HAVCR1: variants seen among roughly 807,000 people sequenced by gnomAD.
HAVCR1 encodes hepatitis A virus cellular receptor 1.
In HAVCR1, 34 loss-of-function variants were observed where a neutral mutation model predicts 32.0. The observed-to-expected ratio is 1.06, with a 90% confidence interval of 0.81 to 1.42. The LOEUF is 1.42. Ranked by LOEUF, HAVCR1 falls within the 40% of genes most tolerant of loss-of-function variation. The probability of loss-of-function intolerance (pLI) is 0.00; values close to 1 mark genes in which losing one functional copy is unlikely to be tolerated. For missense variants in HAVCR1, 420 were observed against 442.3 expected, an observed-to-expected ratio of 0.95 and a Z score of 0.45; for synonymous variants, 178 against 170.3, an observed-to-expected ratio of 1.05 and a Z score of -0.35.
At chr5:157,065,928 C>T in the HAVCR1 span, among the ~76,000 whole-genome samples, 4 of 142,680 alleles carry the variant, frequency 2.8e-5, no homozygotes, top group South Asian at 2.3e-4. Context: ...TGGTGGCGGG[C>T]GCCTATAGTC....
At chr5:157,044,432 AAAG>A (rs1176146515) in intron 5 of HAVCR1, among the ~76,000 whole-genome samples, 457 of 26,006 alleles carry the variant, frequency 0.018, 3 homozygotes, top group Non-Finnish European at 0.024. Flanking sequence ...AGAAAGAAAG[AAAG>A]AAAGAAAGAA....
chr5:157,044,262 G>A (rs1581698063), intron 5 of HAVCR1, among the ~76,000 whole-genome samples: 1 of 151,412 alleles, frequency 6.6e-6, no homozygotes, highest in South Asian at 2.1e-4. Flanking sequence ...AACTCAGGGG[G>A]TGGAGATTAC....
intron 4 of HAVCR1, among the ~76,000 whole-genome samples, chr5:157,049,791 CCTT>C (rs1362970921): frequency 6.6e-6 from 1 of 152,178 alleles, no homozygotes; most frequent in African/African-American, 2.4e-5. Flanking sequence ...GACCCCAGCT[CCTT>C]CTGCATCTGC....
intron 2 of HAVCR1, among the ~76,000 whole-genome samples, chr5:157,056,671 C>T (rs549743713): frequency 9.2e-5 from 14 of 152,074 alleles, no homozygotes; most frequent in East Asian, 7.7e-4. Flanking sequence ...TGAGCCACCA[C>T]GCCCGGCCAC....
upstream of HAVCR1, among the ~76,000 whole-genome samples, chr5:157,059,605 G>A (rs1330136911): frequency 4.6e-5 from 7 of 152,264 alleles, no homozygotes; most frequent in East Asian, 7.7e-4. Flanking sequence ...AACCTGGAAG[G>A]TGGAGGTTGC....
rs200398021 is a variant in HAVCR1 at position 157,037,333 on chromosome 5, G to T, written c.866C>A (p.Thr289Lys). ...TQLFLEHSLLTANTTKGIYAG... is the reference protein window; with the variant it reads ...TQLFLEHSLLKANTTKGIYAG... ...ATAGATTCCTTTAGTGGTATTGGCCGTCAGTAGACTATGTTCTAGGAACAG... is the reference window on the plus strand; with the variant it reads ...ATAGATTCCTTTAGTGGTATTGGCCTTCAGTAGACTATGTTCTAGGAACAG... Residue 289 changes from threonine to lysine, a missense_variant, in exon 7 of 9, where the codon ACG (threonine) becomes AAG (lysine). By Grantham distance (78) the Thr-to-Lys change is moderately conservative (BLOSUM62 -1). Coordinates refer to ENST00000523175, the MANE Select transcript of HAVCR1 (RefSeq NM_001173393.3). 1.3e-6 allele frequency: 2 copies of T among 1,568,390 alleles called. No homozygotes were observed. Among genetic ancestry groups the T allele is most frequent in the Non-Finnish European group, 1.8e-6 (2 of 1,138,438 alleles).
At chr5:157,030,143 ACAGAGCTCTG>A (rs1754088202) in intron 8 of HAVCR1, among the ~76,000 whole-genome samples, 1 of 152,190 alleles carries the variant, frequency 6.6e-6, no homozygotes, top group Admixed American at 6.5e-5. Context: ...ATCTAAAAAT[ACAGAGCTCTG>A]ACATCAAACT....
upstream of HAVCR1, among the ~76,000 whole-genome samples, chr5:157,063,504 C>T (rs990852233): frequency 4.6e-5 from 7 of 152,046 alleles, no homozygotes; most frequent in African/African-American, 9.6e-5. Flanking sequence ...AGGCTGGTCA[C>T]GAACTCCTGA....
chr5:157,044,484 GA>G (rs138351319), intron 5 of HAVCR1, among the ~76,000 whole-genome samples: 7 of 39,784 alleles, frequency 1.8e-4, no homozygotes, highest in Admixed American at 3.8e-4. Context: ...AGGAAGGAAG[GA>G]AGGAAGGAAG....
intron 5 of HAVCR1, among the ~76,000 whole-genome samples, chr5:157,044,492 G>A (rs200723533): frequency 0.14 from 8,911 of 64,274 alleles, 1,049 homozygotes; most frequent in Admixed American, 0.18. Context: ...AGGAAGGAAG[G>A]AAGGAAGGAA....
intron 5 of HAVCR1, 71 bp downstream of exon 5, chr5:157,048,967 T>C (rs1755579567): frequency 3.5e-6 from 3 of 866,772 alleles, no homozygotes; most frequent in Non-Finnish European, 6.0e-6. Context: ...CCAGAGCGTG[T>C]GCTCTCAACA....
chr5:157,053,274 C>T (rs1755882634), intron 3 of HAVCR1, among the ~76,000 whole-genome samples: 1 of 150,112 alleles, frequency 6.7e-6, no homozygotes, highest in Admixed American at 6.7e-5. Context: ...ATCTCAGCTA[C>T]TTGAAAGGCT....
At chr5:157,057,427 G>T (rs1367482788) in intron 2 of HAVCR1, among the ~76,000 whole-genome samples, 28 of 146,198 alleles carry the variant, frequency 1.9e-4, no homozygotes, top group African/African-American at 7.2e-4. Flanking sequence ...AAGAAAGAAA[G>T]AAAGAAAGAA....
intron 1 of HAVCR1, chr5:157,058,548 G>C (rs980912810): frequency 6.6e-6 from 1 of 152,410 alleles, no homozygotes; most frequent in African/African-American, 2.4e-5. Context: ...CTGGGCGACA[G>C]AGCAAGACTC....
At chr5:157,041,026 T>C (rs1197516255) in intron 6 of HAVCR1, among the ~76,000 whole-genome samples, 1 of 152,220 alleles carries the variant, frequency 6.6e-6, no homozygotes, top group African/African-American at 2.4e-5. Context: ...AGATTGTTTC[T>C]TACAGGAGCC....
intron 5 of HAVCR1, among the ~76,000 whole-genome samples, chr5:157,045,824 G>A (rs1399645005): frequency 1.3e-5 from 2 of 152,114 alleles, no homozygotes; most frequent in African/African-American, 4.8e-5. Flanking sequence ...GGCCAAAATG[G>A]CAGCAGCCAC....
intron 5 of HAVCR1, among the ~76,000 whole-genome samples, chr5:157,046,388 G>A (rs1246767905): frequency 6.6e-6 from 1 of 152,178 alleles, no homozygotes; most frequent in Admixed American, 6.5e-5. Flanking sequence ...AAGATGACAG[G>A]TTTCAGCATC....
In HAVCR1 at chr5:157,055,241, G is replaced by T; in HGVS notation, c.339C>A (p.Phe113Leu). The change falls in exon 3 of 9, where the codon TTC becomes TTA. Residue 113 changes from phenylalanine to leucine, a missense_variant. Physicochemically the swap from Phe to Leu is conservative, Grantham distance 22 (BLOSUM62 0). Transcript: ENST00000523175. ...YCCRVEHRGWFNDMKITVSLE... is the reference protein window; with the variant it reads ...YCCRVEHRGWLNDMKITVSLE... ...ATGATACGGTGATTTTCATGTCATTGAACCACCCACGGTGCTCAACACGGC... is the reference window on the plus strand; with the variant it reads ...ATGATACGGTGATTTTCATGTCATTTAACCACCCACGGTGCTCAACACGGC... The T allele has an allele frequency of 6.3e-7, 1 of 1,591,466 alleles. No individual in the cohort carries two copies. The highest frequency in any genetic ancestry group is 1.1e-5 in the South Asian group (1 of 89,220).
upstream of HAVCR1, among the ~76,000 whole-genome samples, chr5:157,063,864 G>A (rs1247223590): frequency 2.0e-5 from 3 of 152,204 alleles, no homozygotes; most frequent in East Asian, 1.9e-4. Context: ...GACAGCAAAC[G>A]CTTTCCATGG....
Sources: gnomAD v4.1 joint callset for allele counts (sites outside exome capture counted in the v4.1 genomes callset) on GRCh38, gnomAD v4.1.1 for gene constraint, MANE v1.5 for transcripts, NCBI Gene and HGNC (gene_info 2026-07-23, HGNC 2026-07-21) for gene names.